Variants in NUDT9 observed in about 807,000 individuals in gnomAD.
The protein encoded by NUDT9 is ADP-ribose pyrophosphatase.
NUDT9 carries 31 observed loss-of-function variants against 41.0 expected under a neutral mutation model. That is an observed-to-expected ratio of 0.76 (90% confidence interval 0.57 to 1.02). The LOEUF (loss-of-function observed/expected upper bound fraction) is 1.02. NUDT9 is among the 50% of genes least tolerant of loss of function. The pLI is 0.00. For missense variants in NUDT9, 380 were observed against 431.4 expected (o/e 0.88, Z 1.06); for synonymous variants, 146 against 147.6 (o/e 0.99, Z 0.08).
At chr4:87,434,855 G>T in intron 1 of NUDT9, 126 bp from the exon 2 acceptor site, 1 of 746,108 alleles carries the variant, frequency 1.3e-6, no homozygotes, top group Non-Finnish European at 2.1e-6. Context: ...CTAACCTCAG[G>T]TGATCCACCT....
At chr4:87,445,933 C>CT (rs964120765) in intron 4 of NUDT9, among the ~76,000 whole-genome samples, 1,894 of 142,896 alleles carry the variant, frequency 0.013, 23 homozygotes, top group African/African-American at 0.034. Context: ...GCATCTCTCT[C>CT]TTTTTTTTTT....
At position 87,422,644 on chromosome 4, in the gene NUDT9, G is replaced by C; in HGVS notation, c.-262G>C. 1 of 353,150 alleles carries C rather than the reference G, an allele frequency of 2.8e-6. No homozygotes were observed. The highest frequency in any genetic ancestry group is 5.1e-6 in the Non-Finnish European group (1 of 197,190). 21.9% of individuals were successfully genotyped at this position (353,150 alleles called of 1,614,324 possible). ...TTCGTGGCCGCGGTTTCCCCAGGCAGCTGGCGCTGGAGGCTTCGGCGTCAC... is the reference window on the plus strand; with the variant it reads ...TTCGTGGCCGCGGTTTCCCCAGGCACCTGGCGCTGGAGGCTTCGGCGTCAC... On this transcript the variant is annotated 5_prime_UTR_variant, in exon 1 of 8. Coordinates refer to ENST00000302174, the MANE Select transcript of NUDT9 (RefSeq NM_024047.5).
chr4:87,436,020 C>T (rs962630556), intron 2 of NUDT9, among the ~76,000 whole-genome samples: 4 of 151,778 alleles, frequency 2.6e-5, no homozygotes, highest in Admixed American at 1.3e-4. Flanking sequence ...GACTGGTGCT[C>T]TCTCTCTCTG....
intron 1 of NUDT9, among the ~76,000 whole-genome samples, chr4:87,431,237 A>G (rs1381117152): frequency 6.6e-6 from 1 of 152,202 alleles, no homozygotes; most frequent in Non-Finnish European, 1.5e-5. Flanking sequence ...ACCTTTGTCA[A>G]AAATTATTGT....
intron 1 of NUDT9, among the ~76,000 whole-genome samples, chr4:87,427,284 C>T (rs565616494): frequency 6.8e-4 from 104 of 152,232 alleles, no homozygotes; most frequent in African/African-American, 2.4e-3. Flanking sequence ...TTTCAAAGCA[C>T]CACGTCAGTA....
At chr4:87,437,499 C>T (rs1273106525) in intron 2 of NUDT9, among the ~76,000 whole-genome samples, 1 of 151,164 alleles carries the variant, frequency 6.6e-6, no homozygotes, top group Non-Finnish European at 1.5e-5. Flanking sequence ...CACCACCATG[C>T]CCAGCTAATT....
intron 4 of NUDT9, 83 bp downstream of exon 4, chr4:87,441,998 T>C (rs1184020681): frequency 3.5e-6 from 3 of 856,096 alleles, no homozygotes; most frequent in Non-Finnish European, 5.5e-6. Flanking sequence ...TGTGTATATA[T>C]GTATACCTGT....
At chr4:87,446,850 A>G (rs1443142804) in intron 4 of NUDT9, among the ~76,000 whole-genome samples, 1 of 152,206 alleles carries the variant, frequency 6.6e-6, no homozygotes, top group Non-Finnish European at 1.5e-5. Flanking sequence ...GAAAATAAAA[A>G]TAAAATCCAT....
At chr4:87,430,175 G>T (rs905206893) in intron 1 of NUDT9, among the ~76,000 whole-genome samples, 2 of 152,188 alleles carry the variant, frequency 1.3e-5, no homozygotes, top group Admixed American at 6.5e-5. Context: ...ATGATGGAAG[G>T]GGGCCATGAG....
intron 4 of NUDT9, among the ~76,000 whole-genome samples, chr4:87,443,912 G>A (rs763944098): frequency 1.8e-4 from 27 of 152,124 alleles, no homozygotes; most frequent in Admixed American, 2.6e-4. Context: ...TTTCAGAACG[G>A]GGGAGAGGCA....
chr4:87,431,872 G>T (rs2110164125), intron 1 of NUDT9, among the ~76,000 whole-genome samples: 1 of 152,222 alleles, frequency 6.6e-6, no homozygotes, highest in South Asian at 2.1e-4. Flanking sequence ...TTTTAGTAGA[G>T]ACAGGGTTTC....
chr4:87,428,454 A>G (rs1322062910), intron 1 of NUDT9, among the ~76,000 whole-genome samples: 1 of 152,246 alleles, frequency 6.6e-6, no homozygotes, highest in Non-Finnish European at 1.5e-5. Context: ...TTTATTCATA[A>G]CTGCCAAAAC....
chr4:87,422,803 C>A lies in NUDT9; in HGVS notation c.-103C>A. 2.5e-6 allele frequency: 2 copies of A among 789,070 alleles called. No individual in the cohort carries two copies. The highest frequency in any genetic ancestry group is 4.2e-6 in the Non-Finnish European group (2 of 478,780). 48.9% of individuals were successfully genotyped at this position (789,070 alleles called of 1,614,324 possible). On this transcript the variant is annotated 5_prime_UTR_variant, in exon 1 of 8. Coordinates refer to ENST00000302174, the MANE Select transcript of NUDT9 (RefSeq NM_024047.5). ...ACCCAACGGCAGACAGGTCCTAGTG[C>A]CCATCAGATACCCGCGGCCGGGACT...
At chr4:87,457,793 C>T in intron 7 of NUDT9, 50 bp from the exon 8 acceptor site, 1 of 1,525,506 alleles carries the variant, frequency 6.6e-7, no homozygotes, top group Non-Finnish European at 9.0e-7. Flanking sequence ...CATAGATATG[C>T]TAAAACAGAA....
At chr4:87,438,530 T>C (rs1722057468) in intron 3 of NUDT9, among the ~76,000 whole-genome samples, 158 bp downstream of exon 3, 1 of 152,220 alleles carries the variant, frequency 6.6e-6, no homozygotes, top group African/African-American at 2.4e-5. Flanking sequence ...TGGTGGATAT[T>C]TTTAATTGAA....
intron 3 of NUDT9, among the ~76,000 whole-genome samples, chr4:87,439,485 G>T (rs1243934646): frequency 6.6e-6 from 1 of 151,872 alleles, no homozygotes; most frequent in Non-Finnish European, 1.5e-5. Context: ...GCAGAACCCT[G>T]TCTCTACTAA....
In NUDT9 at chr4:87,458,256, T is replaced by G. The variant is rs1723075952; in HGVS notation, c.*235T>G. 2 of 353,968 alleles carry G rather than the reference T, an allele frequency of 5.7e-6. No individual in the cohort carries two copies. The highest frequency in any genetic ancestry group is 2.1e-5 in the African/African-American group (1 of 47,570). The allele number at this position is 353,968 out of a possible 1,614,324, so 21.9% of individuals were successfully genotyped here. On this transcript the variant is annotated 3_prime_UTR_variant, in exon 8 of 8. Transcript: ENST00000302174. ...ATAAGTAATCATATTTTGTATGTAT[T>G]CGATTTAAGCATGGCTTAAATTAAA... is the stretch of plus-strand genomic sequence containing the variant.
intron 7 of NUDT9, among the ~76,000 whole-genome samples, chr4:87,457,610 T>C (rs952219195): frequency 2.6e-5 from 4 of 152,304 alleles, no homozygotes; most frequent in African/African-American, 9.6e-5. Context: ...GAAAACTCTT[T>C]GTGTTTATCT....
intron 1 of NUDT9, among the ~76,000 whole-genome samples, chr4:87,428,240 A>C (rs968237391): frequency 6.6e-6 from 1 of 152,204 alleles, no homozygotes; most frequent in African/African-American, 2.4e-5. Context: ...AATGTGATGA[A>C]AGAGAACAGC....
Sources: allele counts gnomAD v4.1 joint callset (sites outside exome capture counted in the v4.1 genomes callset), GRCh38; gene constraint gnomAD v4.1.1; transcripts MANE v1.5; gene names NCBI Gene and HGNC (gene_info 2026-07-23, HGNC 2026-07-21).